FAM118B: variants seen among roughly 807,000 people sequenced by gnomAD.
FAM118B encodes protein FAM118B.
In FAM118B, 24 loss-of-function variants were observed where a neutral mutation model predicts 38.5. That is an observed-to-expected ratio of 0.62 (90% CI 0.45 to 0.88). The LOEUF is 0.88. Ranked by LOEUF, FAM118B falls within the 40% of genes least tolerant of loss-of-function variation. The probability of loss-of-function intolerance (pLI) is 0.00; values close to 1 mark genes in which losing one functional copy is unlikely to be tolerated. For missense variants in FAM118B, 334 were observed against 420.0 expected (o/e 0.80, Z 1.79); for synonymous variants, 138 against 156.3 (o/e 0.88, Z 0.87).
intron 7 of FAM118B, chr11:126,261,124 T>A (rs1043935832): frequency 3.1e-6 from 1 of 325,294 alleles, no homozygotes; most frequent in Non-Finnish European, 5.8e-6. Context: ...CTAGACTGTT[T>A]AGGGACAGCA....
chr11:126,243,020 G>A (rs778071677), intron 4 of FAM118B, among the ~76,000 whole-genome samples: 7 of 152,184 alleles, frequency 4.6e-5, no homozygotes, highest in Non-Finnish European at 8.8e-5. Flanking sequence ...ATGTTAATTG[G>A]CCATTAAAAG....
intron 3 of FAM118B, among the ~76,000 whole-genome samples, chr11:126,236,821 T>C (rs1950280320): frequency 6.6e-6 from 1 of 151,946 alleles, no homozygotes; most frequent in African/African-American, 2.4e-5. Context: ...CTGTTTTATC[T>C]TGTGGATTTA....
rs1950535354 is a variant in FAM118B, at chr11:126,253,596, T to TA, written c.568-706dup. ...CAACAAATATCTTATCTGCCCATGA[T>TA]AAAGTATATTAACAATTTGAACTGG... is the stretch of plus-strand genomic sequence containing the variant. On this transcript the variant is annotated intron_variant, in intron 5 of 8. Coordinates refer to ENST00000533050, the MANE Select transcript of FAM118B (RefSeq NM_024556.4). The surrounding 1 kb of genome is among the most constrained non-coding windows in gnomAD (Gnocchi z 5.1). Among the ~76,000 whole-genome samples, 1 of 152,192 alleles carries TA rather than the reference T, an allele frequency of 6.6e-6. No homozygotes were observed. Among genetic ancestry groups the TA allele is most frequent in the African/African-American group, 2.4e-5 (1 of 41,444 alleles).
chr11:126,256,266 A>C lies in FAM118B; in HGVS notation c.697-301A>C, dbSNP rs1950577995. ...AGGTGAAAGAGTGAGACTCCGTCTC[A>C]AAAAATATATAAAGCATAAAAAATA... On this transcript the variant is annotated intron_variant, in intron 6 of 8. Coordinates refer to ENST00000533050, the MANE Select transcript of FAM118B (RefSeq NM_024556.4). This position sits in a 1 kb window ranked among gnomAD's most constrained non-coding sequence, Gnocchi z 6.6. Among the ~76,000 whole-genome samples, 1 of 152,230 alleles carries C rather than the reference A, an allele frequency of 6.6e-6. No homozygotes were observed. The highest frequency in any genetic ancestry group is 1.5e-5 in the Non-Finnish European group (1 of 68,044).
intron 1 of FAM118B, among the ~76,000 whole-genome samples, chr11:126,219,183 A>C (rs1473647741): frequency 1.3e-5 from 2 of 152,062 alleles, no homozygotes; most frequent in East Asian, 3.9e-4. Context: ...CCATTTTAAT[A>C]GCGTACTTTG....
At chr11:126,212,505 A>G (rs1030279355) in intron 1 of FAM118B, among the ~76,000 whole-genome samples, 2 of 152,220 alleles carry the variant, frequency 1.3e-5, no homozygotes, top group Non-Finnish European at 1.5e-5. Flanking sequence ...GATTTCACTC[A>G]GGGGTGGCTG....
intron 6 of FAM118B, 152 bp downstream of exon 6, chr11:126,254,585 C>A: frequency 2.8e-6 from 3 of 1,066,004 alleles, no homozygotes; most frequent in Non-Finnish European, 4.0e-6. Flanking sequence ...ATAATCCCAA[C>A]ACTTTGGGAG....
intron 3 of FAM118B, among the ~76,000 whole-genome samples, chr11:126,240,383 TG>T (rs992432874): frequency 1.2e-4 from 18 of 152,130 alleles, no homozygotes; most frequent in African/African-American, 4.3e-4. Flanking sequence ...TAATTTGTCC[TG>T]GGGTTCTTTT....
At chr11:126,231,615 A>G (rs1464177721) in intron 2 of FAM118B, among the ~76,000 whole-genome samples, 1 of 152,182 alleles carries the variant, frequency 6.6e-6, no homozygotes, top group Non-Finnish European at 1.5e-5. Flanking sequence ...CCTAAATAAG[A>G]AGACCCTAAA....
intron 4 of FAM118B, among the ~76,000 whole-genome samples, chr11:126,246,605 TTTTC>T (rs755749443): frequency 2.2e-4 from 33 of 152,064 alleles, no homozygotes; most frequent in Non-Finnish European, 1.6e-4. Context: ...AACAGGTTTT[TTTTC>T]TTTCTTTTTT....
At chr11:126,259,749 TTCTC>T (rs1336922489) in intron 7 of FAM118B, among the ~76,000 whole-genome samples, 3 of 136,902 alleles carry the variant, frequency 2.2e-5, no homozygotes, top group Admixed American at 7.5e-5. Flanking sequence ...GAGATGGAGT[TTCTC>T]TCTGTCACCC....
At chr11:126,238,996 A>G (rs1182091848) in intron 3 of FAM118B, among the ~76,000 whole-genome samples, 2 of 147,256 alleles carry the variant, frequency 1.4e-5, no homozygotes, top group African/African-American at 5.0e-5. Context: ...TTTTCGAGAC[A>G]AGGTCTTGTT....
chr11:126,216,266 C>T (rs1319862380), intron 1 of FAM118B, among the ~76,000 whole-genome samples: 1 of 151,742 alleles, frequency 6.6e-6, no homozygotes, highest in Non-Finnish European at 1.5e-5. Context: ...ATCCCAGCTA[C>T]TTGGGAGGCT....
chr11:126,260,098 C>G (rs554453458), intron 7 of FAM118B, among the ~76,000 whole-genome samples: 95 of 152,090 alleles, frequency 6.2e-4, no homozygotes, highest in African/African-American at 2.2e-3. Flanking sequence ...ATGGCACAGT[C>G]ATGGCTCACC....
intron 8 of FAM118B, 118 bp from the exon 9 acceptor site, chr11:126,262,002 C>T: frequency 1.1e-6 from 1 of 910,800 alleles, no homozygotes; most frequent in Admixed American, 2.6e-5. Flanking sequence ...TTACAAGATT[C>T]CTAGAATCTC....
At chr11:126,221,970 C>T (rs897178949) in intron 1 of FAM118B, among the ~76,000 whole-genome samples, 1 of 152,118 alleles carries the variant, frequency 6.6e-6, no homozygotes, top group African/African-American at 2.4e-5. Context: ...TTGGCACAAA[C>T]ATGTTGTAAA....
Position 126,225,780 on chromosome 11 carries a change from G to C in FAM118B, c.-76-3445G>C, listed in dbSNP as rs189254884. On this transcript the variant is annotated intron_variant, in intron 1 of 8. Coordinates refer to ENST00000533050, the MANE Select transcript of FAM118B (RefSeq NM_024556.4). The stretch of plus-strand genomic sequence containing the variant: ...AGATCATTTGAGGTCAGGAGTTCGA[G>C]ACCAGCCTGGCCAACATGGTGGAAC... Among the ~76,000 whole-genome samples, 1,332 of 152,232 alleles carry C rather than the reference G, an allele frequency of 8.7e-3. 49 individuals are homozygous for C. The highest frequency in any genetic ancestry group is 0.052 in the Admixed American group (802 of 15,288).
At chr11:126,233,656 A>G (rs1186984669) in intron 2 of FAM118B, 2 of 445,326 alleles carry the variant, frequency 4.5e-6, no homozygotes, top group Non-Finnish European at 8.9e-6. Context: ...CTGTGACTGT[A>G]TTATTTCTAT....
At position 126,253,527 on chromosome 11, in the gene FAM118B, C is replaced by T. The variant is rs1565339128; in HGVS notation, c.568-778C>T. Among the ~76,000 whole-genome samples, 1 of 152,152 alleles carries T rather than the reference C, an allele frequency of 6.6e-6. No individual in the cohort carries two copies. The highest frequency in any genetic ancestry group is 1.5e-5 in the Non-Finnish European group (1 of 68,030). ...CTGAAGTGATTTTTCTATCACTTAT[C>T]TATTGCTGTACAAGTAATGGCCGTG... On this transcript the variant is annotated intron_variant, in intron 5 of 8. Coordinates refer to ENST00000533050, the MANE Select transcript of FAM118B (RefSeq NM_024556.4). This position sits in a 1 kb window ranked among gnomAD's most constrained non-coding sequence, Gnocchi z 5.1.
Sources: gnomAD v4.1 joint callset for allele counts (sites outside exome capture counted in the v4.1 genomes callset) on GRCh38, gnomAD v4.1.1 for gene constraint, Gnocchi (gnomAD v3.1) non-coding constraint, MANE v1.5 for transcripts, NCBI Gene and HGNC (gene_info 2026-07-23, HGNC 2026-07-21) for gene names.